The following CREM variants were observed in gnomAD, a reference collection of about 807,000 sequenced individuals.
CREM encodes the protein cAMP responsive element modulator.
CREM carries 13 observed loss-of-function variants against 37.3 expected under a neutral mutation model. The observed-to-expected ratio is 0.35, with a 90% CI of 0.23 to 0.55. The LOEUF is 0.55. CREM is among the 20% of genes least tolerant of loss of function. The pLI, the probability that CREM is intolerant of heterozygous loss-of-function variation, is 0.88. For missense variants in CREM, 296 were observed against 362.3 expected, an observed-to-expected ratio of 0.82 and a Z score of 1.49; for synonymous variants, 124 against 120.2, an observed-to-expected ratio of 1.03 and a Z score of -0.21.
intron 2 of CREM, among the ~76,000 whole-genome samples, chr10:35,145,205 T>C (rs1310248763): frequency 6.6e-6 from 1 of 150,866 alleles, no homozygotes; most frequent in East Asian, 1.9e-4. Context: ...TTTAATTCCA[T>C]GCAGCCTTTC....
intron 3 of CREM, among the ~76,000 whole-genome samples, chr10:35,174,608 G>T (rs1451998148): frequency 2.0e-5 from 3 of 152,136 alleles, no homozygotes; most frequent in African/African-American, 7.2e-5. Context: ...TGAAAAAATT[G>T]TTTTAGATGC....
Position 35,159,742 on chromosome 10 carries a change from C to T in CREM, c.168+11251C>T, listed in dbSNP as rs1467578609. On this transcript the variant is annotated intron_variant, in intron 3 of 7. Transcript: ENST00000685392. The stretch of plus-strand genomic sequence containing the variant: ...GTATTACGTCAAACTATAAAGCTTC[C>T]CCACAGCAAAGGAAACATTCCACAG... Among the ~76,000 whole-genome samples the T allele has an allele frequency of 2.6e-5, 4 of 152,056 alleles. No homozygotes were observed. The East Asian group carries it at 7.7e-4, about 29-fold the overall frequency.
chr10:35,130,433 A>C lies in CREM; in HGVS notation c.-55+3240A>C, dbSNP rs1248391587. 2.0e-5 allele frequency among the ~76,000 whole-genome samples: 3 copies of C among 152,194 alleles called. No individual in the cohort carries two copies. The East Asian group carries it at 5.8e-4, about 29-fold the overall frequency. On this transcript the variant is annotated intron_variant, in intron 1 of 7. Coordinates refer to ENST00000685392, the MANE Select transcript of CREM (RefSeq NM_183011.2). ...ATCCAGTAGAGAATAAGCAAGAACAAAGAAGAAAACCTAAGGATATCATTA... is the reference window on the plus strand; with the variant it reads ...ATCCAGTAGAGAATAAGCAAGAACACAGAAGAAAACCTAAGGATATCATTA...
intron 3 of CREM, chr10:35,171,047 T>G (rs183686874): frequency 6.6e-6 from 1 of 152,060 alleles, no homozygotes; most frequent in Non-Finnish European, 1.5e-5. Context: ...TTTGGACATA[T>G]GGAAGTTTCC....
chr10:35,182,809 G>A (rs1212153116), intron 5 of CREM, among the ~76,000 whole-genome samples: 1 of 152,214 alleles, frequency 6.6e-6, no homozygotes, highest in Non-Finnish European at 1.5e-5. Flanking sequence ...CTCACTGGAA[G>A]TACAGATCTT....
intron 5 of CREM, among the ~76,000 whole-genome samples, chr10:35,180,342 AAAAACTCAAGTCTTAATT>A (rs2094301290): frequency 6.6e-6 from 1 of 152,216 alleles, no homozygotes; most frequent in Non-Finnish European, 1.5e-5. Flanking sequence ...ACCAAGAAAA[AAAAACTCAAGTCTTAATT>A]TAAGTCCTGA....
chr10:35,183,868 C>T (rs1459699672), intron 5 of CREM, among the ~76,000 whole-genome samples: 1 of 152,156 alleles, frequency 6.6e-6, no homozygotes, highest in Non-Finnish European at 1.5e-5. Flanking sequence ...TGAGGTCAGG[C>T]ATTCGAGACC....
chr10:35,130,193 T>C (rs2089057510), intron 1 of CREM, among the ~76,000 whole-genome samples: 1 of 110,268 alleles, frequency 9.1e-6, no homozygotes. Flanking sequence ...CCAAACTCAG[T>C]CTCAAAAAAA....
chr10:35,177,158 A>G (rs2094131329), intron 3 of CREM, among the ~76,000 whole-genome samples: 1 of 152,162 alleles, frequency 6.6e-6, no homozygotes, highest in African/African-American at 2.4e-5. Flanking sequence ...AGTTTATCAC[A>G]GTAGAATGAT....
intron 7 of CREM, chr10:35,209,519 T>TGTGC (rs1227725532): frequency 1.1e-5 from 2 of 188,574 alleles, no homozygotes; most frequent in African/African-American, 4.8e-5. Flanking sequence ...TATGTGTGTC[T>TGTGC]GTGCATGCAC....
intron 1 of CREM, chr10:35,127,589 GC>G (rs1564769200): frequency 1.3e-5 from 2 of 152,514 alleles, no homozygotes; most frequent in East Asian, 1.9e-4. Flanking sequence ...GGATTTGAGT[GC>G]CCCCAGCGCC....
rs542272601 is a variant in CREM at position 35,201,922 on chromosome 10, G to A, written c.599-4973G>A. Among the ~76,000 whole-genome samples the A allele has an allele frequency of 4.6e-5, 7 of 152,232 alleles. No individual in the cohort carries two copies. The East Asian group carries it at 9.6e-4, about 21-fold the overall frequency. On this transcript the variant is annotated intron_variant, in intron 6 of 7. Coordinates refer to ENST00000685392, the MANE Select transcript of CREM (RefSeq NM_183011.2). ...ATGACAGCAGGCTTGTGCAAAACCCGAGGAAGTTCAAATTTTACTTCATAC... is the reference window on the plus strand; with the variant it reads ...ATGACAGCAGGCTTGTGCAAAACCCAAGGAAGTTCAAATTTTACTTCATAC...
At chr10:35,141,782 G>A (rs1053300411) in intron 2 of CREM, among the ~76,000 whole-genome samples, 15 of 152,142 alleles carry the variant, frequency 9.9e-5, no homozygotes, top group African/African-American at 3.6e-4. Flanking sequence ...AGGCAAGAAA[G>A]CTAAGCAGAG....
chr10:35,211,406 T>G lies in CREM; in HGVS notation c.*8T>G. On this transcript the variant is annotated 3_prime_UTR_variant, in exon 8 of 8. Transcript: ENST00000685392. ...TGCCATAAAGTAGAGTAACTGTCTT[T>G]GACTTGGACCTTGTTTACTCTAATC... 6.2e-7 allele frequency: 1 copy of G among 1,611,546 alleles called. No homozygotes were observed. Among genetic ancestry groups the G allele is most frequent in the Non-Finnish European group, 8.5e-7 (1 of 1,178,918 alleles).
At chr10:35,207,699 G>A (rs58468612) in intron 7 of CREM, among the ~76,000 whole-genome samples, 20,598 of 152,000 alleles carry the variant, frequency 0.14, 1,583 homozygotes, top group South Asian at 0.2. Context: ...ACTTGAACCC[G>A]GAAGGCGGAG....
intron 5 of CREM, among the ~76,000 whole-genome samples, chr10:35,184,720 A>G (rs542827280): frequency 9.8e-5 from 15 of 152,328 alleles, no homozygotes; most frequent in African/African-American, 3.6e-4. Context: ...TCAGCTGTTC[A>G]TATTGTGAAA....
At chr10:35,197,585 TGG>T (rs2095243707) in intron 6 of CREM, among the ~76,000 whole-genome samples, 1 of 152,046 alleles carries the variant, frequency 6.6e-6, no homozygotes, top group African/African-American at 2.4e-5. Flanking sequence ...CCCGAGTAGC[TGG>T]GACTACAGGT....
chr10:35,196,143 G>C (rs2095154878), intron 6 of CREM: 1 of 1,603,810 alleles, frequency 6.2e-7, no homozygotes, highest in East Asian at 2.2e-5. Flanking sequence ...CATGCGCCTG[G>C]TGAGAAATGG....
intron 3 of CREM, among the ~76,000 whole-genome samples, chr10:35,173,933 G>A (rs1197183390): frequency 6.6e-6 from 1 of 152,216 alleles, no homozygotes; most frequent in East Asian, 1.9e-4. Context: ...TATCTTTTGA[G>A]AGTTAGTCAC....
Sources: gnomAD v4.1 joint callset for allele counts (sites outside exome capture counted in the v4.1 genomes callset) on GRCh38, gnomAD v4.1.1 for gene constraint, MANE v1.5 for transcripts, NCBI Gene and HGNC (gene_info 2026-07-23, HGNC 2026-07-21) for gene names.